The following UGT1A10 variants were observed in gnomAD, a reference collection of about 807,000 sequenced individuals.
UGT1A10 encodes UDP glucuronosyltransferase family 1 member A10, also known as UDP-glucuronosyltransferase 1A10.
A neutral mutation model predicts 45.8 loss-of-function variants in UGT1A10; 49 were observed. That is an observed-to-expected ratio of 1.07 (90% CI 0.85 to 1.36). The LOEUF is 1.36. UGT1A10 is among the 40% of genes most tolerant of loss of function. The probability of loss-of-function intolerance (pLI) is 0.00; values close to 1 mark genes in which losing one functional copy is unlikely to be tolerated. For synonymous variants in UGT1A10, 284 were observed against 249.7 expected, an observed-to-expected ratio of 1.14 and a Z score of -1.29; for missense variants, 745 against 668.6, an observed-to-expected ratio of 1.11 and a Z score of -1.26.
intron 1 of UGT1A10, among the ~76,000 whole-genome samples, chr2:233,678,281 C>G (rs1334703128): frequency 6.6e-6 from 1 of 152,176 alleles, no homozygotes; most frequent in Non-Finnish European, 1.5e-5. Context: ...CTCAGGTAAC[C>G]TGCACATGTA....
chr2:233,767,877 CA>C lies in UGT1A10; in HGVS notation c.1017del (p.Ser340ArgfsTer23). On this transcript the variant is annotated frameshift_variant, in exon 3 of 5. Coordinates refer to ENST00000344644, the MANE Select transcript of UGT1A10 (RefSeq NM_019075.4). LOFTEE classifies it high-confidence loss of function. ...TVLWRYTGTR[P>X]SNLANNTILV... Reference sequence around the variant, plus strand: ...CTGTGGCGGTACACTGGAACCCGACCATCGAATCTTGCGAACAACACGATAC... The same window carrying C: ...CTGTGGCGGTACACTGGAACCCGACCTCGAATCTTGCGAACAACACGATAC... 6.2e-7 allele frequency: 1 copy of C among 1,614,140 alleles called. No homozygotes were observed. The highest frequency in any genetic ancestry group is 8.5e-7 in the Non-Finnish European group (1 of 1,180,040).
chr2:233,687,258 A>G (rs1365744263), intron 1 of UGT1A10, among the ~76,000 whole-genome samples: 2 of 152,216 alleles, frequency 1.3e-5, no homozygotes, highest in African/African-American at 4.8e-5. Context: ...AATGATCTTA[A>G]CCATGCATTC....
intron 1 of UGT1A10, among the ~76,000 whole-genome samples, chr2:233,727,487 G>T (rs980960978): frequency 2.0e-5 from 3 of 152,164 alleles, no homozygotes; most frequent in Admixed American, 6.5e-5. Context: ...CTACTTGGAG[G>T]TAGAACATGG....
At chr2:233,658,774 G>C (rs980417656) in intron 1 of UGT1A10, among the ~76,000 whole-genome samples, 6 of 152,112 alleles carry the variant, frequency 3.9e-5, no homozygotes, top group African/African-American at 1.4e-4. Context: ...GTAAAAACTT[G>C]GTTGTTCATA....
At chr2:233,695,460 A>G (rs1364895717) in intron 1 of UGT1A10, among the ~76,000 whole-genome samples, 2 of 150,892 alleles carry the variant, frequency 1.3e-5, no homozygotes, top group African/African-American at 4.9e-5. Context: ...AACGTGCTTT[A>G]TTGGCCCTTT....
Position 233,747,094 on chromosome 2 carries a change from A to G in UGT1A10, c.856-19940A>G, listed in dbSNP as rs1052530336. 1.0e-5 allele frequency: 13 copies of G among 1,281,570 alleles called. No homozygotes were observed. The African/African-American group carries it at 1.2e-4, about 12-fold the overall frequency. The allele number at this position is 1,281,570 out of a possible 1,614,324, so 79.4% of individuals were successfully genotyped here. Reference sequence around the variant, plus strand: ...TAATTAACTAGGAGGAGAGCACTCTATCTTCCAATTACATGATGATTTGCT... The same window carrying G: ...TAATTAACTAGGAGGAGAGCACTCTGTCTTCCAATTACATGATGATTTGCT... On this transcript the variant is annotated intron_variant, in intron 1 of 4. Coordinates refer to ENST00000344644, the MANE Select transcript of UGT1A10 (RefSeq NM_019075.4).
At chr2:233,711,189 C>G (rs2076167419) in intron 1 of UGT1A10, among the ~76,000 whole-genome samples, 2 of 152,232 alleles carry the variant, frequency 1.3e-5, no homozygotes, top group African/African-American at 4.8e-5. Flanking sequence ...GCTACTCCCT[C>G]CCCACAGTCC....
chr2:233,731,857 C>T lies in UGT1A10; in HGVS notation c.856-35177C>T, dbSNP rs191763365. On this transcript the variant is annotated intron_variant, in intron 1 of 4. Transcript: ENST00000344644. ...TAGTTCTAGGTCCTTGAGGAATCGC[C>T]ACACTGTCTTCCACAATGGTTGAAC... Among the ~76,000 whole-genome samples, 286 of 152,314 alleles carry T rather than the reference C, an allele frequency of 1.9e-3. 1 individual carries two copies. In the South Asian group the frequency reaches 0.02, roughly 10 times the overall value.
At chr2:233,706,790 T>C (rs774565833) in intron 1 of UGT1A10, among the ~76,000 whole-genome samples, 1 of 152,192 alleles carries the variant, frequency 6.6e-6, no homozygotes. Context: ...AGAAATACCA[T>C]GCACCAATTA....
rs776415192 is a variant in UGT1A10, at chr2:233,712,958, G to T, written c.856-54076G>T. 4.3e-6 allele frequency: 7 copies of T among 1,612,878 alleles called. No homozygotes were observed. In the Admixed American group the frequency reaches 1.2e-4, roughly 27 times the overall value. ...AACAATTCTAGGAGGCACAACGTGG[G>T]GTGGACAGTCAGCTGTCGGTGGCTT... On this transcript the variant is annotated intron_variant, in intron 1 of 4. Coordinates refer to ENST00000344644, the MANE Select transcript of UGT1A10 (RefSeq NM_019075.4).
At chr2:233,727,612 G>A (rs1475048958) in intron 1 of UGT1A10, among the ~76,000 whole-genome samples, 1 of 152,194 alleles carries the variant, frequency 6.6e-6, no homozygotes, top group Non-Finnish European at 1.5e-5. Flanking sequence ...GAATAGTTCA[G>A]AGGCTGAGAG....
At chr2:233,690,775 A>G in intron 1 of UGT1A10, 2 of 1,056,268 alleles carry the variant, frequency 1.9e-6, no homozygotes, top group South Asian at 3.6e-5. Context: ...ACACACACAC[A>G]TACACACACA....
chr2:233,663,842 G>T (rs1237951052), intron 1 of UGT1A10, among the ~76,000 whole-genome samples: 2 of 152,130 alleles, frequency 1.3e-5, no homozygotes, highest in Non-Finnish European at 2.9e-5. Flanking sequence ...TGCAAAGGCG[G>T]TTTCATTTGC....
At chr2:233,693,425 G>C in intron 1 of UGT1A10, 1 of 1,614,078 alleles carries the variant, frequency 6.2e-7, no homozygotes, top group South Asian at 1.1e-5. Flanking sequence ...CTTCTTTAAG[G>C]AGAGCAAGTT....
At chr2:233,640,047 A>G (rs1287952126) in intron 1 of UGT1A10, among the ~76,000 whole-genome samples, 3 of 152,220 alleles carry the variant, frequency 2.0e-5, no homozygotes, top group Non-Finnish European at 4.4e-5. Context: ...ACCTGGGGAT[A>G]GGATGTGGTT....
At chr2:233,647,980 A>C (rs941067218) in intron 1 of UGT1A10, 1 of 1,608,308 alleles carries the variant, frequency 6.2e-7, no homozygotes, top group Non-Finnish European at 8.5e-7. Flanking sequence ...GGAGAAACTC[A>C]TTCTCAGGGG....
intron 1 of UGT1A10, chr2:233,743,818 G>T: frequency 1.5e-6 from 2 of 1,367,270 alleles, no homozygotes; most frequent in Non-Finnish European, 2.0e-6. Context: ...CAGGGTTTTT[G>T]TCGGGGTGCC....
chr2:233,690,794 C>A, intron 1 of UGT1A10: 1 of 1,143,932 alleles, frequency 8.7e-7, no homozygotes, highest in Non-Finnish European at 1.1e-6. Flanking sequence ...CACACACACA[C>A]ACACACCATT....
At chr2:233,731,449 C>T (rs2078164021) in intron 1 of UGT1A10, among the ~76,000 whole-genome samples, 1 of 152,132 alleles carries the variant, frequency 6.6e-6, no homozygotes, top group South Asian at 2.1e-4. Flanking sequence ...CCCCACCCCA[C>T]AACAGGCCCT....
Sources: allele counts gnomAD v4.1 joint callset (sites outside exome capture counted in the v4.1 genomes callset), GRCh38; gene constraint gnomAD v4.1.1; transcripts MANE v1.5; gene names NCBI Gene and HGNC (gene_info 2026-07-23, HGNC 2026-07-21).